The following DNAH12 variants were observed in gnomAD, a reference collection of about 807,000 sequenced individuals.
DNAH12 encodes the protein axonemal beta dynein heavy chain 12.
Under a neutral mutation model 371.5 loss-of-function variants are expected in DNAH12, and 285 were observed. The observed-to-expected ratio is 0.77, with a 90% CI of 0.70 to 0.85. The LOEUF (loss-of-function observed/expected upper bound fraction) is 0.85, where lower values mean the gene tolerates loss of function less well. Among genes scored for constraint, DNAH12 ranks in the 40% least tolerant of loss-of-function variants. The probability of loss-of-function intolerance (pLI) is 0.00; values close to 1 mark genes in which losing one functional copy is unlikely to be tolerated. For synonymous variants in DNAH12, 1,200 were observed against 1,213.0 expected (o/e 0.99, Z 0.22); for missense variants, 3,611 against 3,689.4 (o/e 0.98, Z 0.55).
At chr3:57,338,208 T>C (rs1476553499) in intron 60 of DNAH12, among the ~76,000 whole-genome samples, 3 of 152,198 alleles carry the variant, frequency 2.0e-5, no homozygotes, top group African/African-American at 7.2e-5. Flanking sequence ...AGACGGGTTT[T>C]GCTGTGTTGG....
chr3:57,361,442 C>T (rs1297092447), intron 58 of DNAH12, among the ~76,000 whole-genome samples: 1 of 107,744 alleles, frequency 9.3e-6, no homozygotes, highest in East Asian at 4.0e-4. Flanking sequence ...TACACACACA[C>T]ACTATATATA....
In DNAH12 at chr3:57,499,648, A is replaced by AAAAAAAAAAAATATATG. The variant is rs71088082; in HGVS notation, c.1335+1672_1335+1673insCATATATTTTTTTTTTT. 3.3e-4 allele frequency among the ~76,000 whole-genome samples: 7 copies of AAAAAAAAAAAATATATG among 21,298 alleles called. 1 individual carries two copies. Among genetic ancestry groups the AAAAAAAAAAAATATATG allele is most frequent in the Non-Finnish European group, 6.5e-4 (7 of 10,742 alleles). The allele number at this position is 21,298 out of a possible 152,430, so 14.0% of individuals were successfully genotyped here. ...ATCTCTACAAAAAAAAAAAAAAAAA[A>AAAAAAAAAAAATATATG]TATATATATATATATATATATATAT... On this transcript the variant is annotated intron_variant, in intron 11 of 73. Transcript: ENST00000495027.
chr3:57,543,507 A>G (rs893270712), intron 1 of DNAH12, among the ~76,000 whole-genome samples: 4 of 150,472 alleles, frequency 2.7e-5, no homozygotes, highest in African/African-American at 9.8e-5. Context: ...TTTTTAGTAG[A>G]GACAGGGTTT....
chr3:57,478,934 T>G (rs1575659674), intron 13 of DNAH12, among the ~76,000 whole-genome samples: 1 of 151,952 alleles, frequency 6.6e-6, no homozygotes, highest in Admixed American at 6.6e-5. Context: ...GCGCTAAACA[T>G]GGAAAGGAAC....
At chr3:57,485,985 C>A (rs1289150836) in intron 12 of DNAH12, among the ~76,000 whole-genome samples, 1 of 151,660 alleles carries the variant, frequency 6.6e-6, no homozygotes. Flanking sequence ...TTTGGGAGGT[C>A]CAGGAGGGTA....
rs1309697137 is a variant in DNAH12 at position 57,320,566 on chromosome 3, C to T, written c.10524+1777G>A. ...GTCAGAAATTAGCCTTATCGAAAGG[C>T]ATTCCAGCTATTTCTGGAAGCCTCA... On this transcript the variant is annotated intron_variant, in intron 65 of 73. Transcript: ENST00000495027. Among the ~76,000 whole-genome samples, 2 of 152,180 alleles carry T rather than the reference C, an allele frequency of 1.3e-5. 1 individual carries two copies. The highest frequency in any genetic ancestry group is 6.3e-3 in the Middle Eastern group (2 of 316).
chr3:57,405,699 T>C lies in DNAH12; in HGVS notation c.6530A>G (p.Glu2177Gly). Residue 2177 changes from glutamate to glycine, a missense_variant, in exon 41 of 74, where the codon GAA becomes GGA. Glu to Gly is a moderately conservative substitution (Grantham distance 98). Transcript: ENST00000495027. Reference protein sequence around the residue: ...TKTVIKDHFKESFHSIFSHLR... With the variant: ...TKTVIKDHFKGSFHSIFSHLR... ...ATGTGAAAAGATACTGTGAAATGAT[T>C]CTTTAAAATGGTCCTTTATAACAGT... The C allele has an allele frequency of 6.4e-7, 1 of 1,551,720 alleles. No homozygotes were observed. The highest frequency in any genetic ancestry group is 2.0e-5 in the Admixed American group (1 of 51,000).
intron 40 of DNAH12, among the ~76,000 whole-genome samples, chr3:57,407,683 G>A (rs529013508): frequency 1.3e-5 from 2 of 152,204 alleles, no homozygotes; most frequent in South Asian, 2.1e-4. Flanking sequence ...TTAGAGATGA[G>A]GCTGGCTCTA....
chr3:57,453,247 C>G lies in DNAH12; in HGVS notation c.3613G>C (p.Gly1205Arg). 1 of 1,520,566 alleles carries G rather than the reference C, an allele frequency of 6.6e-7. No individual in the cohort carries two copies. Among genetic ancestry groups the G allele is most frequent in the African/African-American group, 1.4e-5 (1 of 71,110 alleles). 94.2% of individuals were successfully genotyped at this position (1,520,566 alleles called of 1,614,324 possible). A position where few individuals can be genotyped will look rare whatever the true frequency, so the allele number is the denominator to read the frequency against. Residue 1205 changes from glycine (G) to arginine (R), a missense_variant and splice_region_variant, in exon 24 of 74, where the codon GGT becomes CGT. Physicochemically the swap from Gly to Arg is moderately radical, Grantham distance 125. Around this residue, in one of 3 missense-constraint regions of DNAH12, gnomAD observed 31 missense variants for 53.8 expected, o/e 0.58. Coordinates refer to ENST00000495027, the MANE Select transcript of DNAH12 (RefSeq NM_001366028.2). ...RDVVMDMIKM[G>R]VSHDTDFLWL... The stretch of plus-strand genomic sequence containing the variant: ...AAAAATTAAAGAAAAAGTCACATAC[C>G]CATTTTAATCATGTCCATGACCACA...
intron 12 of DNAH12, among the ~76,000 whole-genome samples, chr3:57,488,452 A>G (rs577313326): frequency 6.6e-6 from 1 of 152,206 alleles, no homozygotes; most frequent in Admixed American, 6.5e-5. Context: ...TCGGCCTCCC[A>G]AAGTGCTGGG....
At position 57,457,944 on chromosome 3, in the gene DNAH12, A is replaced by G. The variant is rs949629545; in HGVS notation, c.3113T>C (p.Leu1038Pro). The change falls in exon 22 of 74, where the codon CTT becomes CCT. Residue 1038 changes from leucine (L) to proline (P), a missense_variant. Physicochemically the swap from Leu to Pro is moderately conservative, Grantham distance 98 (BLOSUM62 -3). This residue lies in a region of DNAH12 where 1,314 missense variants were observed against 1,398.7 expected (regional missense o/e 0.94). Transcript: ENST00000495027. ...LEILSETKDP[L>P]RVQPHLKKCF... ...TTTTTTTAAATGTGGCTGAACTCTAAGTGGATCTTTGGTCTCTGATAAAAT... is the reference window on the plus strand; with the variant it reads ...TTTTTTTAAATGTGGCTGAACTCTAGGTGGATCTTTGGTCTCTGATAAAAT... 2 of 1,551,664 alleles carry G rather than the reference A, an allele frequency of 1.3e-6. No homozygotes were observed. The highest frequency in any genetic ancestry group is 1.7e-6 in the Non-Finnish European group (2 of 1,146,980).
intron 30 of DNAH12, among the ~76,000 whole-genome samples, chr3:57,435,926 G>A (rs1259332697): frequency 3.3e-5 from 5 of 151,498 alleles, no homozygotes; most frequent in East Asian, 1.9e-4. Flanking sequence ...AGAAAAAATC[G>A]TGACCATTGA....
At chr3:57,453,047 A>AT in intron 24 of DNAH12, 32 bp from the exon 25 acceptor site, 1 of 1,516,550 alleles carries the variant, frequency 6.6e-7, no homozygotes, top group Non-Finnish European at 8.8e-7. Flanking sequence ...AAGACACATG[A>AT]TCCTTAAATG....
At position 57,323,519 on chromosome 3, in the gene DNAH12, C is replaced by A; in HGVS notation, c.10079G>T (p.Cys3360Phe). ...DLTKSYLDSNCTIPLIFVLSP... is the reference protein window; with the variant it reads ...DLTKSYLDSNFTIPLIFVLSP... ...TAGAACAAAAATTAAGGGAATGGTG[C>A]AATTTGAATCCAAGTAACTCTTTGT... is the stretch of plus-strand genomic sequence containing the variant. Residue 3360 changes from cysteine to phenylalanine, a missense_variant, in exon 63 of 74, where the codon TGC becomes TTC. By Grantham distance (205) the Cys-to-Phe change is radical. Coordinates refer to ENST00000495027, the MANE Select transcript of DNAH12 (RefSeq NM_001366028.2). 6.4e-7 allele frequency: 1 copy of A among 1,551,042 alleles called. No individual in the cohort carries two copies. Among genetic ancestry groups the A allele is most frequent in the Non-Finnish European group, 8.7e-7 (1 of 1,146,828 alleles).
intron 60 of DNAH12, among the ~76,000 whole-genome samples, chr3:57,338,260 C>G (rs2062281462): frequency 6.6e-6 from 1 of 152,244 alleles, no homozygotes; most frequent in African/African-American, 2.4e-5. Context: ...GATCTGCCCG[C>G]CTCGGCCTCC....
intron 13 of DNAH12, among the ~76,000 whole-genome samples, chr3:57,477,677 T>G (rs1329557811): frequency 4.6e-5 from 7 of 152,064 alleles, no homozygotes; most frequent in Non-Finnish European, 1.0e-4. Context: ...CACCCCCCAG[T>G]AGGGGCAGAC....
Position 57,323,509 on chromosome 3 carries a change from G to T in DNAH12, c.10089C>A (p.Pro3363=). 6.4e-7 allele frequency: 1 copy of T among 1,550,628 alleles called. No individual in the cohort carries two copies. ...CTCCTGGAGATAGAACAAAAATTAA[G>T]GGAATGGTGCAATTTGAATCCAAGT... The part of the protein sequence containing the change: ...KSYLDSNCTI[P]LIFVLSPGAD... Residue 3363 remains proline, a synonymous_variant, in exon 63 of 74, where the codon CCC becomes CCA. Coordinates refer to ENST00000495027, the MANE Select transcript of DNAH12 (RefSeq NM_001366028.2).
intron 6 of DNAH12, among the ~76,000 whole-genome samples, 154 bp from the exon 7 acceptor site, chr3:57,508,694 G>A (rs1416432413): frequency 6.6e-6 from 1 of 152,158 alleles, no homozygotes; most frequent in Non-Finnish European, 1.5e-5. Context: ...TAAGATATAT[G>A]CATTTAATAA....
At chr3:57,523,944 A>T (rs948033046) in intron 2 of DNAH12, 60 bp from the exon 3 acceptor site, 5 of 1,244,356 alleles carry the variant, frequency 4.0e-6, no homozygotes, top group Non-Finnish European at 5.6e-6. Context: ...TTACTAAAAC[A>T]TTACAATTTA....
Sources: gnomAD v4.1 joint callset for allele counts (sites outside exome capture counted in the v4.1 genomes callset) on GRCh38, gnomAD v4.1.1 for gene constraint, gnomAD v4.1.1 regional missense constraint, MANE v1.5 for transcripts, NCBI Gene and HGNC (gene_info 2026-07-23, HGNC 2026-07-21) for gene names.